C12orf56: variants seen among roughly 807,000 people sequenced by gnomAD.
The protein encoded by C12orf56 is uncharacterized protein C12orf56.
C12orf56 carries 71 observed loss-of-function variants against 69.9 expected under a neutral mutation model. That is an observed-to-expected ratio of 1.02 (90% CI 0.84 to 1.24). The LOEUF is 1.24. Among genes scored for constraint, C12orf56 ranks in the 50% most tolerant of loss-of-function variants. C12orf56 has a pLI of 0.00. For synonymous variants in C12orf56, 276 were observed against 274.1 expected, an observed-to-expected ratio of 1.01 and a Z score of -0.07; for missense variants, 732 against 738.5, an observed-to-expected ratio of 0.99 and a Z score of 0.10.
chr12:64,344,464 A>G (rs995482028), intron 2 of C12orf56, among the ~76,000 whole-genome samples: 1 of 152,218 alleles, frequency 6.6e-6, no homozygotes, highest in African/African-American at 2.4e-5. Flanking sequence ...TTAATTAGCC[A>G]ATGCCACAAC....
chr12:64,274,537 G>A (rs1342107463), intron 11 of C12orf56, among the ~76,000 whole-genome samples: 4 of 152,190 alleles, frequency 2.6e-5, no homozygotes, highest in South Asian at 2.1e-4. Context: ...CTAGGATGGT[G>A]TCTGTGGGAC....
intron 4 of C12orf56, among the ~76,000 whole-genome samples, chr12:64,313,110 A>G (rs2038641557): frequency 6.6e-6 from 1 of 151,632 alleles, no homozygotes. Context: ...AATACAAAAA[A>G]AATTAGCCGG....
At position 64,330,944 on chromosome 12, in the gene C12orf56, C is replaced by A; in HGVS notation, c.488+16G>T. ...TGGTTAGCAAGTTAAACACATACTC[C>A]AAACAACAATCTCACCTGAGAGGAG... is the stretch of plus-strand genomic sequence containing the variant. On this transcript the variant is annotated intron_variant, in intron 3 of 12. Coordinates refer to ENST00000543942, the MANE Select transcript of C12orf56 (RefSeq NM_001170633.2). 6.5e-7 allele frequency: 1 copy of A among 1,532,242 alleles called. No homozygotes were observed. Among genetic ancestry groups the A allele is most frequent in the Non-Finnish European group, 8.8e-7 (1 of 1,137,226 alleles). The allele number at this position is 1,532,242 out of a possible 1,614,324, so 94.9% of individuals were successfully genotyped here. A position where few individuals can be genotyped will look rare whatever the true frequency, so the allele number is the denominator to read the frequency against.
At chr12:64,283,638 TTC>T (rs974642313) in intron 8 of C12orf56, among the ~76,000 whole-genome samples, 4 of 150,292 alleles carry the variant, frequency 2.7e-5, no homozygotes, top group African/African-American at 9.9e-5. Context: ...TGCCCTCTGC[TTC>T]TCTCTCTTTT....
At chr12:64,331,550 T>C (rs546774357) in intron 2 of C12orf56, among the ~76,000 whole-genome samples, 17 of 152,018 alleles carry the variant, frequency 1.1e-4, no homozygotes, top group African/African-American at 4.1e-4. Context: ...TTTTTGGAAG[T>C]GATTAAGTCA....
rs763583947 is a variant in C12orf56 at position 64,267,256 on chromosome 12, CT to C, written c.1795del (p.Arg599GlyfsTer20). ...AGTGATGGGGTAACACAATGGGAGC[CT>C]TTTCTGCAAGGCTGGCATGTGAATA... ...YFIHMPALQK[R>X]LPLCYPITQP... On this transcript the variant is annotated frameshift_variant, in exon 13 of 13. Coordinates refer to ENST00000543942, the MANE Select transcript of C12orf56 (RefSeq NM_001170633.2). LOFTEE classifies it high-confidence loss of function. 6.2e-7 allele frequency: 1 copy of C among 1,611,962 alleles called. No individual in the cohort carries two copies. Among genetic ancestry groups the C allele is most frequent in the African/African-American group, 1.3e-5 (1 of 75,006 alleles).
intron 1 of C12orf56, among the ~76,000 whole-genome samples, chr12:64,376,815 T>C (rs961645114): frequency 6.6e-6 from 1 of 152,206 alleles, no homozygotes; most frequent in African/African-American, 2.4e-5. Context: ...GCTTGCATAG[T>C]ATTCCATGGT....
At chr12:64,358,486 ATCATCATCATCATC>A (rs56315138) in intron 1 of C12orf56, among the ~76,000 whole-genome samples, 35,743 of 144,124 alleles carry the variant, frequency 0.25, 4,713 homozygotes, top group Middle Eastern at 0.47. Context: ...AATAATAATC[ATCATCATCATCATC>A]ATCATCATCT....
At chr12:64,311,345 A>G (rs2038612615) in intron 5 of C12orf56, among the ~76,000 whole-genome samples, 1 of 151,804 alleles carries the variant, frequency 6.6e-6, no homozygotes, top group Non-Finnish European at 1.5e-5. Context: ...CCTGGGAGGC[A>G]GAGGTTACAG....
chr12:64,338,741 A>G, intron 2 of C12orf56: 2 of 1,481,254 alleles, frequency 1.4e-6, no homozygotes, highest in Non-Finnish European at 1.9e-6. Flanking sequence ...TTGTTCAATG[A>G]AAGCCATCAT....
chr12:64,306,791 T>C (rs1252881083), intron 5 of C12orf56, among the ~76,000 whole-genome samples: 2 of 152,196 alleles, frequency 1.3e-5, no homozygotes, highest in Non-Finnish European at 2.9e-5. Context: ...TCCTATATTA[T>C]CTCAAAAGCA....
chr12:64,365,714 TTATATAA>T (rs1219907816), intron 1 of C12orf56, among the ~76,000 whole-genome samples: 2 of 144,604 alleles, frequency 1.4e-5, no homozygotes, highest in Non-Finnish European at 1.5e-5. Flanking sequence ...AATATATAGT[TTATATAA>T]TATATAATAT....
chr12:64,367,232 ATG>A lies in C12orf56; in HGVS notation c.253-14178_253-14177del, dbSNP rs1252414408. Among the ~76,000 whole-genome samples the A allele has an allele frequency of 4.5e-3, 530 of 118,198 alleles. 75 individuals carry two copies. Among genetic ancestry groups the A allele is most frequent in the East Asian group, 0.021 (76 of 3,628 alleles). The allele number at this position is 118,198 out of a possible 152,430, so 77.5% of individuals were successfully genotyped here. A position where few individuals can be genotyped will look rare whatever the true frequency, so the allele number is the denominator to read the frequency against. ...ATATAACATACAGTTTATATATTATATGTAATATACAGTTTATATATTATATA... is the reference window on the plus strand; with the variant it reads ...ATATAACATACAGTTTATATATTATATAATATACAGTTTATATATTATATA... On this transcript the variant is annotated intron_variant, in intron 1 of 12. Coordinates refer to ENST00000543942, the MANE Select transcript of C12orf56 (RefSeq NM_001170633.2).
At chr12:64,278,792 T>C (rs546746200) in intron 8 of C12orf56, among the ~76,000 whole-genome samples, 7 of 152,152 alleles carry the variant, frequency 4.6e-5, no homozygotes, top group Non-Finnish European at 8.8e-5. Context: ...TTCTACACTC[T>C]CTGTTTTTAT....
intron 8 of C12orf56, among the ~76,000 whole-genome samples, chr12:64,282,388 T>C (rs1488103608): frequency 6.6e-6 from 1 of 152,224 alleles, no homozygotes; most frequent in Non-Finnish European, 1.5e-5. Context: ...ATGGCAGAAC[T>C]GAGTAGACGC....
intron 8 of C12orf56, among the ~76,000 whole-genome samples, chr12:64,283,489 C>T (rs1219122526): frequency 6.6e-6 from 1 of 152,174 alleles, no homozygotes; most frequent in South Asian, 2.1e-4. Context: ...CCATTCAAAA[C>T]GAAGTTAGGC....
intron 3 of C12orf56, among the ~76,000 whole-genome samples, chr12:64,327,651 G>C (rs2038861559): frequency 6.6e-6 from 1 of 152,146 alleles, no homozygotes; most frequent in Non-Finnish European, 1.5e-5. Context: ...TGAGAAATCT[G>C]GTGAAAGGAA....
intron 2 of C12orf56, among the ~76,000 whole-genome samples, chr12:64,339,863 G>A (rs919147225): frequency 2.0e-5 from 3 of 151,980 alleles, no homozygotes; most frequent in African/African-American, 7.2e-5. Flanking sequence ...GTCTGTATTA[G>A]TCAGTGTTCT....
At chr12:64,328,694 AAAAAAAAAAAAAATATAT>A (rs1185338574) in intron 3 of C12orf56, among the ~76,000 whole-genome samples, 23 of 18,026 alleles carry the variant, frequency 1.3e-3, no homozygotes, top group African/African-American at 4.1e-3. Context: ...AAAAAAAAAA[AAAAAAAAAAAAAATATAT>A]ATATATATAT....
Sources: gnomAD v4.1 joint callset for allele counts (sites outside exome capture counted in the v4.1 genomes callset) on GRCh38, gnomAD v4.1.1 for gene constraint, MANE v1.5 for transcripts, NCBI Gene and HGNC (gene_info 2026-07-23, HGNC 2026-07-21) for gene names.